Variants in ATAD2B observed in about 807,000 individuals in gnomAD.
ATAD2B encodes ATPase family AAA domain-containing protein 2B.
In ATAD2B, 40 loss-of-function variants were observed where a neutral mutation model predicts 167.6. The ratio of observed to expected loss-of-function variants is 0.24; its 90% CI spans 0.19 to 0.31. The LOEUF (loss-of-function observed/expected upper bound fraction) is 0.31, where lower values mean the gene tolerates loss of function less well. Ranked by LOEUF, ATAD2B falls within the 10% of genes least tolerant of loss-of-function variation. ATAD2B has a pLI of 1.00. For synonymous variants in ATAD2B, 579 were observed against 596.5 expected, an observed-to-expected ratio of 0.97 and a Z score of 0.43; for missense variants, 1,242 against 1,757.2, an observed-to-expected ratio of 0.71 and a Z score of 5.24.
chr2:23,704,055 AGGAGCCC>A, the ATAD2B span, among the ~76,000 whole-genome samples: 1 of 152,224 alleles, frequency 6.6e-6, no homozygotes, highest in South Asian at 2.1e-4. Context: ...CCTCTGGTCC[AGGAGCCC>A]AACCCCGGGG....
At chr2:23,703,358 TTCA>T in the ATAD2B span, 2 of 1,516,798 alleles carry the variant, frequency 1.3e-6, no homozygotes, top group Non-Finnish European at 1.8e-6. Context: ...CACGTGGAGC[TTCA>T]TCGAGTCCCC....
Position 23,782,920 on chromosome 2 carries a change from C to A in ATAD2B, c.3082G>T (p.Asp1028Tyr). 1 of 1,612,402 alleles carries A rather than the reference C, an allele frequency of 6.2e-7. No homozygotes were observed. The highest frequency in any genetic ancestry group is 1.1e-5 in the South Asian group (1 of 90,948). ...TCTAAAGCATTGCTACAGATGAGGT[C>A]AATATCTTTCAGGAAATCCTTTGCA... ...LTAKDFLKDIDLICSNALEYN... is the reference protein window; with the variant it reads ...LTAKDFLKDIYLICSNALEYN... The change falls in exon 22 of 28, where the codon GAC becomes TAC. Residue 1028 changes from aspartate (D) to tyrosine (Y), a missense_variant. Coordinates refer to ENST00000238789, the MANE Select transcript of ATAD2B (RefSeq NM_017552.4).
chr2:23,863,507 G>C lies in ATAD2B; in HGVS notation c.1353C>G (p.Ala451=), dbSNP rs866028800. 3.2e-6 allele frequency: 5 copies of C among 1,571,078 alleles called. No individual in the cohort carries two copies. The highest frequency in any genetic ancestry group is 4.3e-6 in the Non-Finnish European group (5 of 1,157,248). The change falls in exon 12 of 28, where the codon GCC becomes GCG. Residue 451 remains alanine (A), a synonymous_variant. Coordinates refer to ENST00000238789, the MANE Select transcript of ATAD2B (RefSeq NM_017552.4). ...GGCTGCATTCATTAGCTAATGCTCT[G>C]GCAACCAAGGTTTTACCTGTGCCAG... ...GPPGTGKTLV[A]RALANECSQG...
rs1699927710 is a variant in ATAD2B at position 23,894,411 on chromosome 2, A to AC, written c.368+1407dup. ...CAGGAGAATCACTTGAACCTGGGAG[A>AC]CAGAGGTTGCAGTAAGCAAAGATAG... On this transcript the variant is annotated intron_variant, in intron 2 of 27. Coordinates refer to ENST00000238789, the MANE Select transcript of ATAD2B (RefSeq NM_017552.4). 3.3e-5 allele frequency among the ~76,000 whole-genome samples: 5 copies of AC among 152,058 alleles called. No individual in the cohort carries two copies. In the South Asian group the frequency reaches 1.0e-3, roughly 32 times the overall value.
At chr2:23,878,396 C>T (rs1406268836) in intron 7 of ATAD2B, among the ~76,000 whole-genome samples, 1 of 151,782 alleles carries the variant, frequency 6.6e-6, no homozygotes, top group South Asian at 2.1e-4. Flanking sequence ...CAGTGGCTCA[C>T]GCCTGTAATC....
At chr2:23,898,498 C>T (rs1227494411) in intron 1 of ATAD2B, among the ~76,000 whole-genome samples, 2 of 152,212 alleles carry the variant, frequency 1.3e-5, no homozygotes, top group South Asian at 2.1e-4. Flanking sequence ...AGACCTCACA[C>T]GTACTGATTG....
chr2:23,907,575 A>G (rs1701680025), intron 1 of ATAD2B, among the ~76,000 whole-genome samples: 1 of 152,212 alleles, frequency 6.6e-6, no homozygotes, highest in African/African-American at 2.4e-5. Context: ...TGCCATCCCT[A>G]TCAAGCTACC....
intron 1 of ATAD2B, among the ~76,000 whole-genome samples, chr2:23,903,394 T>C (rs1044238184): frequency 2.6e-5 from 4 of 152,234 alleles, no homozygotes; most frequent in African/African-American, 7.2e-5. Context: ...ATAATAATAA[T>C]GTAAAATCCT....
At chr2:23,872,393 T>C (rs1696132953) in intron 8 of ATAD2B, 1 of 691,872 alleles carries the variant, frequency 1.4e-6, no homozygotes, top group East Asian at 3.0e-5. Context: ...TTCAGCTCCA[T>C]GACAGCCTCT....
the ATAD2B span, among the ~76,000 whole-genome samples, chr2:23,732,782 G>A: frequency 1.3e-5 from 2 of 151,988 alleles, no homozygotes; most frequent in Non-Finnish European, 2.9e-5. Context: ...TTGGAATCTT[G>A]ACCCATTAAT....
chr2:23,736,775 G>C, the ATAD2B span, among the ~76,000 whole-genome samples: 1 of 152,174 alleles, frequency 6.6e-6, no homozygotes, highest in Non-Finnish European at 1.5e-5. Context: ...CAAGGGGTCA[G>C]GGAATTCCCT....
At chr2:23,740,332 A>C in the ATAD2B span, among the ~76,000 whole-genome samples, 1 of 152,196 alleles carries the variant, frequency 6.6e-6, no homozygotes, top group African/African-American at 2.4e-5. Context: ...ATCCAGCAGC[A>C]CATCAAAAAG....
chr2:23,701,423 T>C, the ATAD2B span, among the ~76,000 whole-genome samples: 1 of 152,300 alleles, frequency 6.6e-6, no homozygotes, highest in South Asian at 2.1e-4. Context: ...GCTTAAAACC[T>C]TCAGGGCAGT....
the ATAD2B span, among the ~76,000 whole-genome samples, chr2:23,681,488 G>T: frequency 6.4e-4 from 98 of 152,288 alleles, no homozygotes; most frequent in African/African-American, 2.3e-3. This position sits in a 1 kb window ranked among gnomAD's most constrained non-coding sequence, Gnocchi z 4.2. Flanking sequence ...GAAACCCTCA[G>T]GATGCCTCGG....
At chr2:23,891,073 T>G (rs1699411403) in intron 2 of ATAD2B, among the ~76,000 whole-genome samples, 1 of 149,554 alleles carries the variant, frequency 6.7e-6, no homozygotes, top group Non-Finnish European at 1.5e-5. Context: ...CAGGCTGGAG[T>G]GCAGTGGTGC....
At chr2:23,760,697 T>TACACACACACACACAC (rs367725351) in intron 24 of ATAD2B, among the ~76,000 whole-genome samples, 2 of 118,008 alleles carry the variant, frequency 1.7e-5, no homozygotes, top group African/African-American at 3.2e-5. Flanking sequence ...AATTTATATA[T>TACACACACACACACAC]ATACACACAC....
the ATAD2B span, chr2:23,695,715 A>T: frequency 6.4e-7 from 1 of 1,551,624 alleles, no homozygotes; most frequent in South Asian, 1.2e-5. The surrounding 1 kb of genome is among the most constrained non-coding windows in gnomAD (Gnocchi z 7.6). Flanking sequence ...TGATCAAGTC[A>T]TCAGAAGCCT....
At chr2:23,880,333 G>C (rs1261420489) in intron 7 of ATAD2B, among the ~76,000 whole-genome samples, 4 of 152,030 alleles carry the variant, frequency 2.6e-5, no homozygotes, top group African/African-American at 9.7e-5. Flanking sequence ...TTTAAATTTG[G>C]CAATATTAAT....
downstream of ATAD2B, among the ~76,000 whole-genome samples, chr2:23,746,422 C>T (rs1359833963): frequency 3.3e-5 from 5 of 152,148 alleles, no homozygotes; most frequent in African/African-American, 9.7e-5. Context: ...AGAATAGTCT[C>T]CAGCACCTAG....
Sources: gnomAD v4.1 joint callset for allele counts (sites outside exome capture counted in the v4.1 genomes callset) on GRCh38, gnomAD v4.1.1 for gene constraint, Gnocchi (gnomAD v3.1) non-coding constraint, MANE v1.5 for transcripts, NCBI Gene and HGNC (gene_info 2026-07-23, HGNC 2026-07-21) for gene names.